RNF44: variants seen among roughly 807,000 people sequenced by gnomAD.
The protein encoded by RNF44 is ring finger protein 44.
A neutral mutation model predicts 53.6 loss-of-function variants in RNF44; 25 were observed. That is an observed-to-expected ratio of 0.47 (90% confidence interval 0.34 to 0.65). RNF44 has a LOEUF of 0.65. Ranked by LOEUF, RNF44 falls within the 30% of genes least tolerant of loss-of-function variation. The pLI is 0.01. For synonymous variants in RNF44, 282 were observed against 252.2 expected, an observed-to-expected ratio of 1.12 and a Z score of -1.12; for missense variants, 581 against 595.5, an observed-to-expected ratio of 0.98 and a Z score of 0.25.
At position 176,527,121 on chromosome 5, in the gene RNF44, T is replaced by TG. The variant is rs1756096851; in HGVS notation, c.*1906dup. 6.6e-6 allele frequency: 1 copy of TG among 152,336 alleles called. No individual in the cohort carries two copies. Among genetic ancestry groups the TG allele is most frequent in the Non-Finnish European group, 1.5e-5 (1 of 68,036 alleles). 9.4% of individuals were successfully genotyped at this position (152,336 alleles called of 1,614,324 possible). A position where few individuals can be genotyped will look rare whatever the true frequency, so the allele number is the denominator to read the frequency against. On this transcript the variant is annotated 3_prime_UTR_variant, in exon 11 of 11. Coordinates refer to ENST00000274811, the MANE Select transcript of RNF44 (RefSeq NM_014901.5). ...CCTTTCTAACACAGAACACAGGCGC[T>TG]GGGCCCAGCCAGGGCTGGGGGAAGG...
rs1275588471 is a variant in RNF44 at position 176,528,861 on chromosome 5, G to A, written c.*167C>T. 47 of 648,788 alleles carry A rather than the reference G, an allele frequency of 7.2e-5. No individual in the cohort carries two copies. The South Asian group carries it at 7.8e-4, about 11-fold the overall frequency. 40.2% of individuals were successfully genotyped at this position (648,788 alleles called of 1,614,324 possible). A position where few individuals can be genotyped will look rare whatever the true frequency, so the allele number is the denominator to read the frequency against. ...TCTTTGGAGCTTGGCAAATGCAGGG[G>A]CTTATTGCAGGGACTCCTCGCTGGG... is the stretch of plus-strand genomic sequence containing the variant. On this transcript the variant is annotated 3_prime_UTR_variant, in exon 11 of 11. Transcript: ENST00000274811.
chr5:176,527,939 G>A lies in RNF44; in HGVS notation c.*1089C>T, dbSNP rs907690314. ...AGGTGGGAGTTGGGCCCTGGCTGGA[G>A]GGAGAAATGCCCTGAAAAGCGTCGG... On this transcript the variant is annotated 3_prime_UTR_variant, in exon 11 of 11. Coordinates refer to ENST00000274811, the MANE Select transcript of RNF44 (RefSeq NM_014901.5). 1 of 152,644 alleles carries A rather than the reference G, an allele frequency of 6.6e-6. No individual in the cohort carries two copies. Among genetic ancestry groups the A allele is most frequent in the Non-Finnish European group, 1.5e-5 (1 of 68,172 alleles). The allele number at this position is 152,644 out of a possible 1,614,324, so 9.5% of individuals were successfully genotyped here.
chr5:176,532,258 G>A, intron 2 of RNF44, 65 bp from the exon 3 acceptor site: 1 of 1,506,880 alleles, frequency 6.6e-7, no homozygotes, highest in Non-Finnish European at 8.9e-7. Flanking sequence ...AGCAGGGAGA[G>A]AAGCCAGGGT....
intron 1 of RNF44, among the ~76,000 whole-genome samples, chr5:176,534,047 T>C (rs888946822): frequency 1.3e-5 from 2 of 152,222 alleles, no homozygotes; most frequent in Non-Finnish European, 2.9e-5. Flanking sequence ...CCATTTCCTC[T>C]GTGCTGCACT....
rs769398700 is a variant in RNF44, at chr5:176,529,005, C to T, written c.*23G>A. 2.5e-6 allele frequency: 4 copies of T among 1,606,750 alleles called. No homozygotes were observed. The South Asian group carries it at 4.4e-5, about 18-fold the overall frequency. ...TTTCCAGAGCTTCAGGCAGGGTTCT[C>T]CCGGGCAGGCGGCTGCGTGGCCTCA... On this transcript the variant is annotated 3_prime_UTR_variant, in exon 11 of 11. Coordinates refer to ENST00000274811, the MANE Select transcript of RNF44 (RefSeq NM_014901.5).
At chr5:176,529,889 T>C in intron 7 of RNF44, 71 bp from the exon 8 acceptor site, 1 of 1,438,270 alleles carries the variant, frequency 7.0e-7, no homozygotes, top group East Asian at 2.3e-5. Flanking sequence ...CTCTCCTGAC[T>C]CCCTCCTTGC....
rs1022253629 is a variant in RNF44 at position 176,529,183 on chromosome 5, G to C, written c.1237-93C>G. ...GGGGGGACTTGGTCCGCTGGAGCCA[G>C]AACTTCCGAGATGATGACAAGGACA... is the stretch of plus-strand genomic sequence containing the variant. On this transcript the variant is annotated intron_variant, in intron 10 of 10. Coordinates refer to ENST00000274811, the MANE Select transcript of RNF44 (RefSeq NM_014901.5). 96 of 1,556,810 alleles carry C rather than the reference G, an allele frequency of 6.2e-5. 1 individual carries two copies. Among genetic ancestry groups the C allele is most frequent in the Non-Finnish European group, 8.3e-5 (94 of 1,134,118 alleles).
chr5:176,528,836 T>A lies in RNF44; in HGVS notation c.*192A>T, dbSNP rs1756283464. 1.7e-6 allele frequency: 1 copy of A among 598,826 alleles called. No individual in the cohort carries two copies. The highest frequency in any genetic ancestry group is 3.1e-5 in the Admixed American group (1 of 32,312). 37.1% of individuals were successfully genotyped at this position (598,826 alleles called of 1,614,324 possible). A position where few individuals can be genotyped will look rare whatever the true frequency, so the allele number is the denominator to read the frequency against. ...GCAGGCAGGCAGACTAGGGAGGGAG[T>A]CTTTGGAGCTTGGCAAATGCAGGGG... On this transcript the variant is annotated 3_prime_UTR_variant, in exon 11 of 11. Transcript: ENST00000274811.
In RNF44 at chr5:176,530,921, G is replaced by GGGGGGGGGGGC; in HGVS notation, c.565_566insGCCCCCCCCCC (p.Ala189GlyfsTer88). The GGGGGGGGGGGC allele has an allele frequency of 6.4e-6, 5 of 778,448 alleles. No individual in the cohort carries two copies. The highest frequency in any genetic ancestry group is 3.5e-5 in the East Asian group (1 of 28,688). 48.2% of individuals were successfully genotyped at this position (778,448 alleles called of 1,614,324 possible). A position where few individuals can be genotyped will look rare whatever the true frequency, so the allele number is the denominator to read the frequency against. On this transcript the variant is annotated frameshift_variant, in exon 5 of 11. Transcript: ENST00000274811. LOFTEE classifies it high-confidence loss of function. ...CATGTGGGTGGGCTGGGGGGGTGGG[G>GGGGGGGGGGGC]CCGGTGGTGGGGGGTGCAGGATGTA...
intron 10 of RNF44, 96 bp downstream of exon 10, chr5:176,529,192 A>G (rs75251882): frequency 6.4e-7 from 1 of 1,555,606 alleles, no homozygotes; most frequent in East Asian, 2.3e-5. Context: ...AGAACTTCCG[A>G]GATGATGACA....
chr5:176,530,098 A>G lies in RNF44; in HGVS notation c.910T>C (p.Phe304Leu). 7.5e-6 allele frequency: 6 copies of G among 800,006 alleles called. No individual in the cohort carries two copies. The highest frequency in any genetic ancestry group is 7.3e-6 in the Non-Finnish European group (5 of 683,250). The allele number at this position is 800,006 out of a possible 1,614,324, so 49.6% of individuals were successfully genotyped here. Residue 304 changes from phenylalanine (F) to leucine (L), a missense_variant, in exon 7 of 11, where the codon TTC (phenylalanine) becomes CTC (leucine). Transcript: ENST00000274811. ...GATACTTACAGGAAGTAGGGCAGGA[A>G]GCTGGGGTAGTAGGGTGGTGGGGGT... ...PPPPPPYYPS[F>L]LPYFLSMLPM...
upstream of RNF44, among the ~76,000 whole-genome samples, chr5:176,542,222 C>T (rs145942744): frequency 2.4e-4 from 37 of 152,306 alleles, no homozygotes; most frequent in East Asian, 6.8e-3. Context: ...AAGGACTACA[C>T]TGAGGGGTGA....
intron 1 of RNF44, among the ~76,000 whole-genome samples, chr5:176,534,096 T>C (rs1334394022): frequency 6.6e-6 from 1 of 152,208 alleles, no homozygotes; most frequent in African/African-American, 2.4e-5. Context: ...GGAGCCCGCA[T>C]GGGAGACCGG....
Position 176,530,736 on chromosome 5 carries a change from T to G in RNF44, c.647A>C (p.Gln216Pro). The change falls in exon 6 of 11, where the codon CAG (glutamine) becomes CCG (proline). Residue 216 changes from glutamine (Q) to proline (P), a missense_variant. By Grantham distance (76) the Gln-to-Pro change is moderately conservative. This residue lies in a region of RNF44 where 387 missense variants were observed against 366.0 expected (regional missense o/e 1.06). Transcript: ENST00000274811. ...LQTQHPRMPL[Q>P]RLDNDVDLRG... Reference sequence around the variant, plus strand: ...CAGGTCCACGTCGTTGTCGAGCCGCTGGAGGGGCTGGAAGAACCAGCGCCG... The same window carrying G: ...CAGGTCCACGTCGTTGTCGAGCCGCGGGAGGGGCTGGAAGAACCAGCGCCG... 1 of 1,537,446 alleles carries G rather than the reference T, an allele frequency of 6.5e-7. No homozygotes were observed. Among genetic ancestry groups the G allele is most frequent in the Non-Finnish European group, 8.7e-7 (1 of 1,145,022 alleles).
At position 176,527,020 on chromosome 5, in the gene RNF44, TA is replaced by T. The variant is rs1262849619; in HGVS notation, c.*2007del. ...ATACATGGGAAAAATGAGGTAACTGTAAAATGTGCAAGGAACAGGGCCCCCA... is the reference window on the plus strand; with the variant it reads ...ATACATGGGAAAAATGAGGTAACTGTAAATGTGCAAGGAACAGGGCCCCCA... On this transcript the variant is annotated 3_prime_UTR_variant, in exon 11 of 11. Coordinates refer to ENST00000274811, the MANE Select transcript of RNF44 (RefSeq NM_014901.5). The T allele has an allele frequency of 1.3e-5, 2 of 152,230 alleles. No individual in the cohort carries two copies. The highest frequency in any genetic ancestry group is 6.6e-5 in the Admixed American group (1 of 15,234). 9.4% of individuals were successfully genotyped at this position (152,230 alleles called of 1,614,324 possible). A position where few individuals can be genotyped will look rare whatever the true frequency, so the allele number is the denominator to read the frequency against.
At chr5:176,543,044 G>A in the RNF44 span, among the ~76,000 whole-genome samples, 1 of 152,004 alleles carries the variant, frequency 6.6e-6, no homozygotes, top group Non-Finnish European at 1.5e-5. The surrounding 1 kb of genome is among the most constrained non-coding windows in gnomAD (Gnocchi z 4.0). Flanking sequence ...GGGGCTCCCC[G>A]AGTTGGGGCG....
At chr5:176,538,471 C>T (rs963054384), upstream of RNF44, among the ~76,000 whole-genome samples, 3 of 152,154 alleles carry the variant, frequency 2.0e-5, no homozygotes, top group Admixed American at 1.3e-4. Context: ...GGGGTATTAC[C>T]TCCACCACAA....
chr5:176,541,887 G>T (rs1361019390), upstream of RNF44, among the ~76,000 whole-genome samples: 1 of 152,160 alleles, frequency 6.6e-6, no homozygotes, highest in Non-Finnish European at 1.5e-5. Flanking sequence ...CCAGCTCAGG[G>T]TTCACACCTC....
chr5:176,529,878 G>A (rs1304508387), intron 7 of RNF44, 60 bp from the exon 8 acceptor site: 16 of 1,460,798 alleles, frequency 1.1e-5, no homozygotes, highest in South Asian at 4.1e-5. Context: ...ACACAGAGCC[G>A]CTCTCCTGAC....
Sources: gnomAD v4.1 joint callset for allele counts (sites outside exome capture counted in the v4.1 genomes callset) on GRCh38, gnomAD v4.1.1 for gene constraint, gnomAD v4.1.1 regional missense constraint, Gnocchi (gnomAD v3.1) non-coding constraint, MANE v1.5 for transcripts, NCBI Gene and HGNC (gene_info 2026-07-23, HGNC 2026-07-21) for gene names.